SORBS2: variants seen among roughly 807,000 people sequenced by gnomAD.
SORBS2 encodes sorbin and SH3 domain containing 2.
In SORBS2, 46 loss-of-function variants were observed where a neutral mutation model predicts 97.7. That is an observed-to-expected ratio of 0.47 (90% CI 0.37 to 0.60). SORBS2 has a LOEUF of 0.60. SORBS2 is among the 20% of genes least tolerant of loss of function. The pLI is 0.00. For synonymous variants in SORBS2, 476 were observed against 473.4 expected, an observed-to-expected ratio of 1.01 and a Z score of -0.07; for missense variants, 1,316 against 1,282.3, an observed-to-expected ratio of 1.03 and a Z score of -0.40.
intron 11 of SORBS2, among the ~76,000 whole-genome samples, chr4:185,612,456 C>T (rs1451034839): frequency 6.6e-6 from 1 of 151,580 alleles, no homozygotes; most frequent in Non-Finnish European, 1.5e-5. Context: ...GAAGGGAGAA[C>T]ATCGAATGGT....
chr4:185,874,805 C>T (rs7674090), intron 1 of SORBS2, among the ~76,000 whole-genome samples: 7,036 of 141,354 alleles, frequency 0.05, 595 homozygotes, highest in African/African-American at 0.17. Context: ...AGGAACGAGG[C>T]CATTTATTTT....
At chr4:185,950,766 T>G (rs1033321153) in intron 1 of SORBS2, among the ~76,000 whole-genome samples, 1 of 152,200 alleles carries the variant, frequency 6.6e-6, no homozygotes, top group Non-Finnish European at 1.5e-5. Flanking sequence ...AGGCTGAATA[T>G]TCCTTAGAGA....
At chr4:185,844,326 A>G (rs2099213249) in intron 1 of SORBS2, among the ~76,000 whole-genome samples, 1 of 152,238 alleles carries the variant, frequency 6.6e-6, no homozygotes. Flanking sequence ...TAAAGAGGAT[A>G]TGCGAATGAT....
chr4:185,685,111 T>C (rs73876146), intron 2 of SORBS2, among the ~76,000 whole-genome samples: 12,294 of 152,250 alleles, frequency 0.081, 942 homozygotes, highest in East Asian at 0.23. Flanking sequence ...CTTAACATTT[T>C]ATGGTTTTCT....
chr4:185,827,954 CG>C, intron 1 of SORBS2, among the ~76,000 whole-genome samples: 1 of 34,836 alleles, frequency 2.9e-5, no homozygotes, highest in African/African-American at 9.0e-5. Flanking sequence ...TCATCATCAT[CG>C]TCACCATCAT....
chr4:185,590,969 T>G (rs1448722822), intron 13 of SORBS2, among the ~76,000 whole-genome samples: 1 of 152,210 alleles, frequency 6.6e-6, no homozygotes, highest in Non-Finnish European at 1.5e-5. Context: ...TATTTTAGAT[T>G]TTTTCATGCC....
chr4:185,598,351 G>T (rs2096168679), intron 12 of SORBS2, among the ~76,000 whole-genome samples: 1 of 152,092 alleles, frequency 6.6e-6, no homozygotes, highest in Admixed American at 6.6e-5. Flanking sequence ...TGTCAAAAAC[G>T]GATACAAAAG....
chr4:185,835,056 G>A (rs1195080386), intron 1 of SORBS2, among the ~76,000 whole-genome samples: 2 of 152,080 alleles, frequency 1.3e-5, no homozygotes, highest in Non-Finnish European at 2.9e-5. Flanking sequence ...AAAAGTGTGC[G>A]GCAGCTCCCC....
chr4:185,858,969 A>C (rs2099222201), intron 1 of SORBS2, among the ~76,000 whole-genome samples: 1 of 152,174 alleles, frequency 6.6e-6, no homozygotes, highest in Non-Finnish European at 1.5e-5. Context: ...AAACCTTTGA[A>C]ATTTTCTCAT....
chr4:185,705,454 G>A (rs2098329643), intron 2 of SORBS2, among the ~76,000 whole-genome samples: 1 of 152,100 alleles, frequency 6.6e-6, no homozygotes, highest in Non-Finnish European at 1.5e-5. Flanking sequence ...GCTGAGGCAG[G>A]AGAATCGCTT....
chr4:185,952,948 C>G (rs148688569), intron 1 of SORBS2, among the ~76,000 whole-genome samples: 1 of 152,034 alleles, frequency 6.6e-6, no homozygotes, highest in African/African-American at 2.4e-5. Flanking sequence ...GCCTGAGCTT[C>G]GAACTTCATT....
intron 2 of SORBS2, among the ~76,000 whole-genome samples, chr4:185,763,203 A>G (rs2098913575): frequency 6.6e-6 from 1 of 152,088 alleles, no homozygotes; most frequent in South Asian, 2.1e-4. Context: ...AAAAACAAAA[A>G]CAAAAACAAA....
chr4:185,691,157 C>T (rs943846555), intron 2 of SORBS2, among the ~76,000 whole-genome samples: 19 of 152,186 alleles, frequency 1.2e-4, no homozygotes, highest in Middle Eastern at 3.2e-3. Context: ...GATTCGGCCT[C>T]CCAGAGTGCT....
At chr4:185,938,132 G>A (rs1267511891) in intron 1 of SORBS2, among the ~76,000 whole-genome samples, 2 of 150,862 alleles carry the variant, frequency 1.3e-5, no homozygotes, top group East Asian at 3.9e-4. Context: ...TGAGTAGCTG[G>A]GATTACAGGC....
chr4:185,847,083 A>T (rs2099214968), intron 1 of SORBS2, among the ~76,000 whole-genome samples: 1 of 152,104 alleles, frequency 6.6e-6, no homozygotes, highest in Admixed American at 6.5e-5. Flanking sequence ...AAAGGATAAA[A>T]CAATTAGATA....
At chr4:185,789,061 T>G (rs2099068927) in intron 1 of SORBS2, among the ~76,000 whole-genome samples, 1 of 152,196 alleles carries the variant, frequency 6.6e-6, no homozygotes, top group Non-Finnish European at 1.5e-5. Flanking sequence ...AGAACACACC[T>G]GCGCTCTGGA....
intron 2 of SORBS2, among the ~76,000 whole-genome samples, chr4:185,756,719 C>CTTTTTTTTTTTTT (rs56955640): frequency 7.6e-6 from 1 of 131,598 alleles, no homozygotes; most frequent in Non-Finnish European, 1.6e-5. Context: ...ACTGTTAAAG[C>CTTTTTTTTTTTTT]TTTTTTTTTT....
At position 185,667,501 on chromosome 4, in the gene SORBS2, G is replaced by A. The variant is rs893468197; in HGVS notation, c.-45-5259C>T. Among the ~76,000 whole-genome samples, 3 of 151,880 alleles carry A rather than the reference G, an allele frequency of 2.0e-5. No homozygotes were observed. The South Asian group carries it at 6.2e-4, about 31-fold the overall frequency. On this transcript the variant is annotated intron_variant, in intron 4 of 20. Transcript: ENST00000284776. ...TAAATGTGACTGATCCTTCTTTTGGGGAAATGCACAAATTCATACATACAG... is the reference window on the plus strand; with the variant it reads ...TAAATGTGACTGATCCTTCTTTTGGAGAAATGCACAAATTCATACATACAG...
chr4:185,856,495 C>T (rs1209844726), intron 1 of SORBS2, among the ~76,000 whole-genome samples: 2 of 152,116 alleles, frequency 1.3e-5, no homozygotes, highest in East Asian at 3.8e-4. Flanking sequence ...ACAGCTAAAT[C>T]CTTTGTGAGC....
Sources: gnomAD v4.1 joint callset for allele counts (sites outside exome capture counted in the v4.1 genomes callset) on GRCh38, gnomAD v4.1.1 for gene constraint, MANE v1.5 for transcripts, NCBI Gene and HGNC (gene_info 2026-07-23, HGNC 2026-07-21) for gene names.